SLC25A24: variants seen among roughly 807,000 people sequenced by gnomAD.
The protein encoded by SLC25A24 is mitochondrial adenyl nucleotide antiporter SLC25A24.
SLC25A24 carries 49 observed loss-of-function variants against 60.7 expected under a neutral mutation model. That is an observed-to-expected ratio of 0.81 (90% CI 0.64 to 1.02). SLC25A24 has a LOEUF of 1.02. Among genes scored for constraint, SLC25A24 ranks in the 50% least tolerant of loss-of-function variants. The probability of loss-of-function intolerance (pLI) is 0.00; values close to 1 mark genes in which losing one functional copy is unlikely to be tolerated. For missense variants in SLC25A24, 564 were observed against 586.3 expected (o/e 0.96, Z 0.39); for synonymous variants, 202 against 200.6 (o/e 1.01, Z -0.06).
chr1:108,192,642 C>A (rs771040018), intron 1 of SLC25A24: 3 of 1,490,212 alleles, frequency 2.0e-6, no homozygotes, highest in Non-Finnish European at 2.7e-6. Flanking sequence ...TCCCTCGCAG[C>A]TCCGCGGCCT....
At chr1:108,149,951 G>A (rs1039267843) in intron 6 of SLC25A24, among the ~76,000 whole-genome samples, 8 of 152,170 alleles carry the variant, frequency 5.3e-5, no homozygotes, top group Non-Finnish European at 7.3e-5. Flanking sequence ...CATTTCATGA[G>A]ATTCCCAAAT....
chr1:108,181,218 A>G (rs17573783), intron 3 of SLC25A24, among the ~76,000 whole-genome samples: 7,843 of 152,308 alleles, frequency 0.051, 277 homozygotes, highest in South Asian at 0.1. Context: ...GATAAATTCA[A>G]TAACAAAGCC....
At chr1:108,165,003 C>G (rs1095993) in intron 3 of SLC25A24, among the ~76,000 whole-genome samples, 2 of 141,542 alleles carry the variant, frequency 1.4e-5, no homozygotes, top group Non-Finnish European at 3.0e-5. Flanking sequence ...TCTTTGTTCT[C>G]GTTGGTTTCA....
chr1:108,139,768 C>T (rs570706246), intron 8 of SLC25A24, among the ~76,000 whole-genome samples: 5 of 152,186 alleles, frequency 3.3e-5, no homozygotes, highest in South Asian at 2.1e-4. Flanking sequence ...CCCACCACCA[C>T]GCCCAGCTAA....
chr1:108,195,836 T>C (rs956621799), intron 1 of SLC25A24, among the ~76,000 whole-genome samples: 2 of 152,042 alleles, frequency 1.3e-5, no homozygotes, highest in African/African-American at 4.8e-5. Context: ...CCATCTCTAC[T>C]AGAAAATACA....
rs763643482 is a variant in SLC25A24, at chr1:108,134,287, A to G, written c.*2366T>C. ...AGCAAGAAGCTTACAGAAATAACTG[A>G]TAAGTTATTTCTGAAGTCTGGATAG... On this transcript the variant is annotated 3_prime_UTR_variant, in exon 10 of 10. Coordinates refer to ENST00000565488, the MANE Select transcript of SLC25A24 (RefSeq NM_013386.5). 13 of 152,196 alleles carry G rather than the reference A, an allele frequency of 8.5e-5. No homozygotes were observed. Among genetic ancestry groups the G allele is most frequent in the Admixed American group, 2.0e-4 (3 of 15,286 alleles). 9.4% of individuals were successfully genotyped at this position (152,196 alleles called of 1,614,324 possible).
chr1:108,177,038 G>A (rs1647697067), intron 3 of SLC25A24, among the ~76,000 whole-genome samples: 1 of 152,094 alleles, frequency 6.6e-6, no homozygotes, highest in South Asian at 2.1e-4. Flanking sequence ...ACTATTAAAA[G>A]TAATAATAGC....
At chr1:108,170,330 T>C (rs1647417476) in intron 3 of SLC25A24, among the ~76,000 whole-genome samples, 1 of 152,168 alleles carries the variant, frequency 6.6e-6, no homozygotes, top group East Asian at 1.9e-4. Context: ...AGAAAGCAGT[T>C]CTTGTGATAC....
intron 6 of SLC25A24, among the ~76,000 whole-genome samples, chr1:108,149,028 C>T (rs1047108505): frequency 2.6e-5 from 4 of 152,106 alleles, no homozygotes; most frequent in African/African-American, 9.7e-5. Context: ...TAACAGCATC[C>T]CTCCCCAGGT....
chr1:108,139,359 ACT>A (rs1679380953), intron 8 of SLC25A24, 151 bp from the exon 9 acceptor site: 1 of 783,310 alleles, frequency 1.3e-6, no homozygotes, highest in Admixed American at 3.2e-5. Context: ...GGAGGCGGTG[ACT>A]CTGTGGAGAG....
intron 1 of SLC25A24, among the ~76,000 whole-genome samples, chr1:108,191,726 C>T (rs1273130744): frequency 3.6e-5 from 5 of 139,638 alleles, no homozygotes; most frequent in Non-Finnish European, 6.3e-5. Flanking sequence ...TTTTTGGGCA[C>T]GAAGTACCAA....
At chr1:108,199,805 C>G in intron 1 of SLC25A24, 151 bp downstream of exon 1, 1 of 639,756 alleles carries the variant, frequency 1.6e-6, no homozygotes, top group Non-Finnish European at 2.7e-6. Context: ...GGCCCCACGC[C>G]CGAGTTTCTG....
At chr1:108,157,148 TA>T (rs1398205106) in intron 5 of SLC25A24, among the ~76,000 whole-genome samples, 1 of 152,186 alleles carries the variant, frequency 6.6e-6, no homozygotes, top group African/African-American at 2.4e-5. Context: ...TAAAGTATAT[TA>T]AAAAGAAGGA....
chr1:108,190,193 G>C (rs980475063), intron 1 of SLC25A24, among the ~76,000 whole-genome samples: 1 of 152,158 alleles, frequency 6.6e-6, no homozygotes, highest in Non-Finnish European at 1.5e-5. Flanking sequence ...AAAAGGGAAG[G>C]CTTCAGGCGT....
chr1:108,156,498 G>A (rs1679903038), intron 5 of SLC25A24, among the ~76,000 whole-genome samples: 1 of 152,184 alleles, frequency 6.6e-6, no homozygotes, highest in Non-Finnish European at 1.5e-5. Flanking sequence ...TAAAGCATTA[G>A]CTTTGCCCCT....
intron 1 of SLC25A24, among the ~76,000 whole-genome samples, chr1:108,189,521 T>G (rs951517655): frequency 1.3e-5 from 2 of 152,136 alleles, no homozygotes; most frequent in African/African-American, 4.8e-5. Flanking sequence ...ATCAAAAATA[T>G]ATAGTCTATG....
chr1:108,187,927 G>GATAGATATATATATAT lies in SLC25A24; in HGVS notation c.184-1974_184-1973insATATATATATATCTAT. ...TACACGAAATGGATAAGACATTATA[G>GATAGATATATATATAT]ATATATATATATATATATTCATGCA... On this transcript the variant is annotated intron_variant, in intron 1 of 9. Coordinates refer to ENST00000565488, the MANE Select transcript of SLC25A24 (RefSeq NM_013386.5). Among the ~76,000 whole-genome samples, 112 of 95,768 alleles carry GATAGATATATATATAT rather than the reference G, an allele frequency of 1.2e-3. 4 individuals are homozygous for GATAGATATATATATAT. Among genetic ancestry groups the GATAGATATATATATAT allele is most frequent in the South Asian group, 1.9e-3 (6 of 3,086 alleles). 62.8% of individuals were successfully genotyped at this position (95,768 alleles called of 152,430 possible).
At chr1:108,190,238 T>C (rs1298131499) in intron 1 of SLC25A24, among the ~76,000 whole-genome samples, 2 of 152,078 alleles carry the variant, frequency 1.3e-5, no homozygotes, top group South Asian at 2.1e-4. Context: ...GGGGAAGCTG[T>C]AGGAGGGTTC....
At chr1:108,182,661 C>T (rs1452065447) in intron 2 of SLC25A24, among the ~76,000 whole-genome samples, 1 of 151,878 alleles carries the variant, frequency 6.6e-6, no homozygotes, top group African/African-American at 2.4e-5. Flanking sequence ...GGTGAAACCC[C>T]GTCTCTACTA....
Sources: gnomAD v4.1 joint callset for allele counts (sites outside exome capture counted in the v4.1 genomes callset) on GRCh38, gnomAD v4.1.1 for gene constraint, MANE v1.5 for transcripts, NCBI Gene and HGNC (gene_info 2026-07-23, HGNC 2026-07-21) for gene names.